FRMD4A: variants seen among roughly 807,000 people sequenced by gnomAD.
FRMD4A encodes the protein FERM domain-containing protein 4A.
Under a neutral mutation model 129.1 loss-of-function variants are expected in FRMD4A, and 29 were observed. The ratio of observed to expected loss-of-function variants is 0.22; its 90% CI spans 0.17 to 0.31. FRMD4A has a LOEUF of 0.31. FRMD4A is among the 10% of genes least tolerant of loss of function. The pLI is 1.00. For synonymous variants in FRMD4A, 634 were observed against 571.6 expected (o/e 1.11, Z -1.56); for missense variants, 1,272 against 1,375.8 (o/e 0.92, Z 1.19).
chr10:13,972,256 T>C (rs2095522981), intron 2 of FRMD4A: 4 of 992,150 alleles, frequency 4.0e-6, no homozygotes, highest in South Asian at 4.6e-5. Flanking sequence ...CAGCCTTCCC[T>C]GCAACATTCC....
Position 13,675,017 on chromosome 10 carries a change from G to A in FRMD4A, c.1145C>T (p.Ser382Leu), listed in dbSNP as rs778923747. 5.6e-6 allele frequency: 9 copies of A among 1,613,546 alleles called. No homozygotes were observed. Among genetic ancestry groups the A allele is most frequent in the South Asian group, 2.2e-5 (2 of 91,066 alleles). The change falls in exon 16 of 25, where the codon TCG becomes TTG. Residue 382 changes from serine to leucine, a missense_variant. Physicochemically the swap from Ser to Leu is moderately radical, Grantham distance 145 (BLOSUM62 -2). Transcript: ENST00000357447. The part of the protein sequence containing the change: ...SGSQESDSSQ[S>L]AKKDMLAALK... ...GGCAGCCAGCATGTCCTTCTTGGCC[G>A]ACTGCGAGCTATCTGATTCCTGAGA...
At position 13,672,297 on chromosome 10, in the gene FRMD4A, TA is replaced by T. The variant is rs201228812; in HGVS notation, c.1252-1770del. Among the ~76,000 whole-genome samples the T allele has an allele frequency of 7.0e-3, 1,047 of 150,282 alleles. 12 individuals carry two copies. Among genetic ancestry groups the T allele is most frequent in the African/African-American group, 0.025 (1,011 of 41,096 alleles). ...CAATTTTCTTCCCTGGTTTTTTCTT[TA>T]AAAAAAAAATGTGGTTCAAATGTCT... is the stretch of plus-strand genomic sequence containing the variant. On this transcript the variant is annotated intron_variant, in intron 16 of 24. Transcript: ENST00000357447.
chr10:13,654,017 G>T (rs561578151), intron 23 of FRMD4A: 3 of 341,002 alleles, frequency 8.8e-6, no homozygotes, highest in Non-Finnish European at 1.6e-5. Flanking sequence ...TGTTTCACCT[G>T]CCCCAGTGTA....
intron 2 of FRMD4A, among the ~76,000 whole-genome samples, chr10:13,886,907 G>A (rs187300086): frequency 1.1e-3 from 170 of 152,306 alleles, no homozygotes; most frequent in Admixed American, 2.3e-3. Flanking sequence ...CAGTAGCCAC[G>A]GATTGGCAAA....
At chr10:14,020,935 A>C (rs1032459346) in intron 2 of FRMD4A, among the ~76,000 whole-genome samples, 1 of 152,178 alleles carries the variant, frequency 6.6e-6, no homozygotes, top group Admixed American at 6.5e-5. Flanking sequence ...GGGGCAAGGC[A>C]AGGGATGAAG....
intron 4 of FRMD4A, among the ~76,000 whole-genome samples, chr10:13,805,759 G>C (rs2141462): frequency 6.6e-6 from 1 of 151,830 alleles, no homozygotes; most frequent in African/African-American, 2.4e-5. Flanking sequence ...TGCAATAATA[G>C]CTCACTGCAG....
chr10:14,301,907 G>A (rs1363334843), intron 2 of FRMD4A, among the ~76,000 whole-genome samples: 1 of 152,088 alleles, frequency 6.6e-6, no homozygotes, highest in Non-Finnish European at 1.5e-5. Flanking sequence ...CAGGTTGGAG[G>A]AATTCAGTGA....
chr10:13,994,337 A>G (rs1403553484), intron 2 of FRMD4A, among the ~76,000 whole-genome samples: 2 of 151,564 alleles, frequency 1.3e-5, no homozygotes, highest in Non-Finnish European at 2.9e-5. Context: ...GCCCCACCAC[A>G]CTCAGCTAAT....
intron 2 of FRMD4A, among the ~76,000 whole-genome samples, chr10:14,167,353 G>T (rs1370976418): frequency 6.6e-6 from 1 of 151,860 alleles, no homozygotes; most frequent in Non-Finnish European, 1.5e-5. Context: ...CCAACATGGG[G>T]AAACCCTGTC....
At chr10:13,895,488 G>A (rs1461584249) in intron 2 of FRMD4A, among the ~76,000 whole-genome samples, 1 of 152,060 alleles carries the variant, frequency 6.6e-6, no homozygotes. Flanking sequence ...CCCACAACCA[G>A]AACTAGTACC....
chr10:13,905,915 G>T (rs567555187), intron 2 of FRMD4A, among the ~76,000 whole-genome samples: 13 of 152,238 alleles, frequency 8.5e-5, no homozygotes, highest in Non-Finnish European at 1.8e-4. Flanking sequence ...CTTGAGGAAA[G>T]AATTGGAAGT....
intron 2 of FRMD4A, among the ~76,000 whole-genome samples, chr10:13,936,835 T>C (rs1453834905): frequency 1.3e-5 from 2 of 152,242 alleles, no homozygotes; most frequent in African/African-American, 4.8e-5. Flanking sequence ...TTCTATATTC[T>C]ACATTGATTT....
At chr10:13,943,687 AAAAGAAAGAAAG>A (rs955657163) in intron 2 of FRMD4A, among the ~76,000 whole-genome samples, 3 of 148,308 alleles carry the variant, frequency 2.0e-5, no homozygotes, top group African/African-American at 5.0e-5. Flanking sequence ...AAAGAAAAAG[AAAAGAAAGAAAG>A]AAAGAAAGAA....
Position 13,674,603 on chromosome 10 carries a change from G to A in FRMD4A, c.1251+308C>T, listed in dbSNP as rs566154869. ...TAAGCATATTCTTTTAAAAAAATTC[G>A]CTAATATTAACAGTATCACATAGTG... is the stretch of plus-strand genomic sequence containing the variant. On this transcript the variant is annotated intron_variant, in intron 16 of 24. Coordinates refer to ENST00000357447, the MANE Select transcript of FRMD4A (RefSeq NM_018027.5). Among the ~76,000 whole-genome samples the A allele has an allele frequency of 1.6e-4, 25 of 152,184 alleles. 1 individual carries two copies. The South Asian group carries it at 4.6e-3, about 28-fold the overall frequency.
rs369326023 is a variant in FRMD4A at position 13,674,954 on chromosome 10, C to T, written c.1208G>A (p.Arg403His). 9.8e-5 allele frequency: 158 copies of T among 1,614,124 alleles called. No homozygotes were observed. Among genetic ancestry groups the T allele is most frequent in the South Asian group, 5.7e-4 (52 of 91,078 alleles). The change falls in exon 16 of 25, where the codon CGT (arginine) becomes CAT (histidine). Residue 403 changes from arginine to histidine, a missense_variant. Transcript: ENST00000357447. ...CTTCTTCAGTTCCTCCAGCCTCTGA[C>T]GCAGGGTTTCCTCCAGAGCTTCCTG... ...SRQEALEETL[R>H]QRLEELKKLC...
In FRMD4A at chr10:14,243,679, G is replaced by A. The variant is rs146322078; in HGVS notation, c.45+86379C>T. 1.6e-3 allele frequency among the ~76,000 whole-genome samples: 243 copies of A among 152,052 alleles called. 1 individual carries two copies. The highest frequency in any genetic ancestry group is 5.8e-3 in the East Asian group (30 of 5,180). On this transcript the variant is annotated intron_variant, in intron 2 of 24. Transcript: ENST00000357447. ...GGGGGATGGGGAGTACTTATTTAAC[G>A]GATACAGAGTTTCAATTTCAGAAGA...
At chr10:13,703,034 A>T (rs563845078) in intron 13 of FRMD4A, among the ~76,000 whole-genome samples, 22 of 152,232 alleles carry the variant, frequency 1.4e-4, no homozygotes, top group African/African-American at 5.3e-4. Context: ...TTAAAAGAAA[A>T]CAGGGATCTG....
At chr10:14,016,967 T>A (rs2095701256) in intron 2 of FRMD4A, among the ~76,000 whole-genome samples, 1 of 152,218 alleles carries the variant, frequency 6.6e-6, no homozygotes, top group Admixed American at 6.5e-5. Context: ...ACAGAGATCT[T>A]GCTCACAAGC....
intron 2 of FRMD4A, among the ~76,000 whole-genome samples, chr10:13,956,494 C>T (rs1447107954): frequency 6.6e-5 from 10 of 152,180 alleles, no homozygotes; most frequent in Non-Finnish European, 1.5e-5. Flanking sequence ...ATTTTGACCC[C>T]GTTTAACAGA....
Sources: gnomAD v4.1 joint callset for allele counts (sites outside exome capture counted in the v4.1 genomes callset) on GRCh38, gnomAD v4.1.1 for gene constraint, MANE v1.5 for transcripts, NCBI Gene and HGNC (gene_info 2026-07-23, HGNC 2026-07-21) for gene names.